The following XPR1 variants were observed in gnomAD, a reference collection of about 807,000 sequenced individuals.
The protein encoded by XPR1 is xenotropic and polytropic retrovirus receptor 1, also known as solute carrier family 53 member 1.
A neutral mutation model predicts 87.5 loss-of-function variants in XPR1; 28 were observed. That is an observed-to-expected ratio of 0.32 (90% CI 0.24 to 0.44). The LOEUF is 0.44. Among genes scored for constraint, XPR1 ranks in the 20% least tolerant of loss-of-function variants. The pLI is 1.00. For synonymous variants in XPR1, 300 were observed against 306.1 expected (o/e 0.98, Z 0.21); for missense variants, 559 against 862.3 (o/e 0.65, Z 4.41).
intron 2 of XPR1, among the ~76,000 whole-genome samples, chr1:180,723,058 T>A (rs190058497): frequency 6.6e-6 from 1 of 152,292 alleles, no homozygotes. Flanking sequence ...CATTGAAAAA[T>A]TTTAAAGACC....
chr1:180,807,805 G>A (rs562920099), intron 6 of XPR1, among the ~76,000 whole-genome samples: 2 of 152,276 alleles, frequency 1.3e-5, no homozygotes, highest in East Asian at 3.9e-4. Flanking sequence ...AGGAGTTCAA[G>A]ACCAGCCTGG....
intron 1 of XPR1, among the ~76,000 whole-genome samples, chr1:180,657,595 A>G (rs1456056030): frequency 1.3e-5 from 2 of 152,050 alleles, no homozygotes; most frequent in African/African-American, 4.8e-5. Flanking sequence ...AAATGAGTTC[A>G]GTTTAGATGT....
chr1:180,646,498 G>T (rs1655124764), intron 1 of XPR1, among the ~76,000 whole-genome samples: 1 of 152,050 alleles, frequency 6.6e-6, no homozygotes, highest in South Asian at 2.1e-4. Flanking sequence ...TGGATAGCTG[G>T]TCGCCACATA....
At chr1:180,677,802 A>G (rs1656417281) in intron 1 of XPR1, among the ~76,000 whole-genome samples, 1 of 152,186 alleles carries the variant, frequency 6.6e-6, no homozygotes, top group Non-Finnish European at 1.5e-5. Flanking sequence ...GGCACTATAA[A>G]CTACGTTCCT....
At chr1:180,654,196 A>G (rs547558418) in intron 1 of XPR1, among the ~76,000 whole-genome samples, 1 of 151,630 alleles carries the variant, frequency 6.6e-6, no homozygotes, top group African/African-American at 2.4e-5. Flanking sequence ...TGTGGCCATC[A>G]TGGTCTCAGC....
In XPR1 at chr1:180,846,314, T is replaced by C. The variant is rs990178920; in HGVS notation, c.1501+9598T>C. ...GTTAGGGTAATTTGTTAAAGCTGGCTAGCAATTTTCTCAATTTATATTGTT... is the reference window on the plus strand; with the variant it reads ...GTTAGGGTAATTTGTTAAAGCTGGCCAGCAATTTTCTCAATTTATATTGTT... On this transcript the variant is annotated intron_variant, in intron 11 of 14. Transcript: ENST00000367590. 1.6e-4 allele frequency among the ~76,000 whole-genome samples: 25 copies of C among 152,046 alleles called. 1 individual carries two copies. The highest frequency in any genetic ancestry group is 5.1e-4 in the African/African-American group (21 of 41,418).
chr1:180,825,389 T>C, intron 9 of XPR1, 45 bp downstream of exon 9: 1 of 1,559,936 alleles, frequency 6.4e-7, no homozygotes, highest in Non-Finnish European at 8.7e-7. Flanking sequence ...GGCATATTGG[T>C]TATTGACTTC....
At chr1:180,854,005 G>T (rs901316592) in intron 11 of XPR1, among the ~76,000 whole-genome samples, 1 of 151,966 alleles carries the variant, frequency 6.6e-6, no homozygotes, top group African/African-American at 2.4e-5. Flanking sequence ...GTGTTTTGTT[G>T]TAAAGGAAAA....
chr1:180,685,820 G>A (rs963699593), intron 2 of XPR1, among the ~76,000 whole-genome samples: 27 of 152,230 alleles, frequency 1.8e-4, no homozygotes, highest in African/African-American at 6.3e-4. Context: ...ATTTCTGTGG[G>A]ATCGGTGGTG....
At position 180,651,608 on chromosome 1, in the gene XPR1, A is replaced by G. The variant is rs936956995; in HGVS notation, c.69+19338A>G. ...TGGTACTTAGATTTGATAAAATACA[A>G]TAGTATTTTATTAGTATAACTATCT... On this transcript the variant is annotated intron_variant, in intron 1 of 14. Coordinates refer to ENST00000367590, the MANE Select transcript of XPR1 (RefSeq NM_004736.4). Among the ~76,000 whole-genome samples the G allele has an allele frequency of 2.6e-5, 4 of 152,328 alleles. No homozygotes were observed. In the East Asian group the frequency reaches 5.8e-4, roughly 22 times the overall value.
chr1:180,635,417 G>T (rs946307048), intron 1 of XPR1, among the ~76,000 whole-genome samples: 2 of 152,128 alleles, frequency 1.3e-5, no homozygotes, highest in African/African-American at 4.8e-5. Context: ...CAACCAAATA[G>T]ACTAATATGA....
At chr1:180,722,540 A>G (rs1658209257) in intron 2 of XPR1, among the ~76,000 whole-genome samples, 1 of 152,196 alleles carries the variant, frequency 6.6e-6, no homozygotes, top group Admixed American at 6.5e-5. Flanking sequence ...TGTGGTGTAA[A>G]ATGATCTGAC....
intron 2 of XPR1, among the ~76,000 whole-genome samples, chr1:180,697,280 C>A (rs1167975535): frequency 6.6e-6 from 1 of 151,954 alleles, no homozygotes; most frequent in Non-Finnish European, 1.5e-5. Flanking sequence ...ATAATAGTGT[C>A]TAATAAGTTT....
In XPR1 at chr1:180,863,479, A is replaced by G. The variant is rs550850748; in HGVS notation, c.1502-229A>G. Among the ~76,000 whole-genome samples, 41 of 152,202 alleles carry G rather than the reference A, an allele frequency of 2.7e-4. 1 individual carries two copies. The highest frequency in any genetic ancestry group is 2.2e-3 in the Admixed American group (33 of 15,292). ...CATAGAGCCTCCAAAACTTTTATAC[A>G]TTTGTGTAAGTGTTATGTATTCAAT... is the stretch of plus-strand genomic sequence containing the variant. On this transcript the variant is annotated intron_variant, in intron 11 of 14. Coordinates refer to ENST00000367590, the MANE Select transcript of XPR1 (RefSeq NM_004736.4).
chr1:180,862,980 A>G (rs1430887848), intron 11 of XPR1, among the ~76,000 whole-genome samples: 1 of 152,112 alleles, frequency 6.6e-6, no homozygotes, highest in South Asian at 2.1e-4. Flanking sequence ...GTATAACTAT[A>G]TTTGTGAATC....
intron 11 of XPR1, among the ~76,000 whole-genome samples, chr1:180,856,506 G>T (rs940843008): frequency 1.3e-5 from 2 of 152,110 alleles, no homozygotes; most frequent in African/African-American, 4.8e-5. Flanking sequence ...GTTGTTTTCT[G>T]GGCTTCCTCC....
At chr1:180,751,777 C>A (rs1265319071) in intron 2 of XPR1, among the ~76,000 whole-genome samples, 2 of 151,960 alleles carry the variant, frequency 1.3e-5, no homozygotes, top group Non-Finnish European at 2.9e-5. Flanking sequence ...AGTGGTAGAA[C>A]CTCTCTCTTG....
Position 180,641,319 on chromosome 1 carries a change from A to C in XPR1, c.69+9049A>C, listed in dbSNP as rs564188896. On this transcript the variant is annotated intron_variant, in intron 1 of 14. Transcript: ENST00000367590. ...AATTATTTCTTCTGCAGAGCTCAAC[A>C]ATACTAAATAATGTTTGGCTAATAT... Among the ~76,000 whole-genome samples the C allele has an allele frequency of 4.6e-5, 7 of 152,330 alleles. 1 individual carries two copies. The South Asian group carries it at 1.4e-3, about 32-fold the overall frequency.
intron 9 of XPR1, among the ~76,000 whole-genome samples, chr1:180,829,662 C>T (rs1305942172): frequency 6.6e-6 from 1 of 152,188 alleles, no homozygotes; most frequent in East Asian, 1.9e-4. Context: ...CTGTAAGCCG[C>T]AGTGCCTGAC....
Sources: allele counts gnomAD v4.1 joint callset (sites outside exome capture counted in the v4.1 genomes callset), GRCh38; gene constraint gnomAD v4.1.1; transcripts MANE v1.5; gene names NCBI Gene and HGNC (gene_info 2026-07-23, HGNC 2026-07-21).